Variants in FKBP5 observed in about 807,000 individuals in gnomAD.
FKBP5 encodes the protein peptidyl-prolyl cis-trans isomerase FKBP5.
A neutral mutation model predicts 50.5 loss-of-function variants in FKBP5; 23 were observed. The observed-to-expected ratio is 0.46, with a 90% confidence interval of 0.33 to 0.65. FKBP5 has a LOEUF of 0.65. Among genes scored for constraint, FKBP5 ranks in the 30% least tolerant of loss-of-function variants. The pLI is 0.02. For synonymous variants in FKBP5, 176 were observed against 190.6 expected (o/e 0.92, Z 0.63); for missense variants, 411 against 553.1 (o/e 0.74, Z 2.58).
chr6:35,592,644 T>C lies in FKBP5; in HGVS notation c.666-1424A>G, dbSNP rs572154319. Among the ~76,000 whole-genome samples the C allele has an allele frequency of 2.6e-5, 4 of 152,344 alleles. No individual in the cohort carries two copies. The South Asian group carries it at 8.3e-4, about 32-fold the overall frequency. On this transcript the variant is annotated intron_variant, in intron 6 of 10. Coordinates refer to ENST00000357266, the MANE Select transcript of FKBP5 (RefSeq NM_004117.4). ...ACATATTTTCTGAGAGCATGTTATATTTGGAGTCCTGTGCTAAGCAGTTGC... is the reference window on the plus strand; with the variant it reads ...ACATATTTTCTGAGAGCATGTTATACTTGGAGTCCTGTGCTAAGCAGTTGC...
chr6:35,615,319 C>A (rs1291408839), intron 5 of FKBP5, among the ~76,000 whole-genome samples: 1 of 152,046 alleles, frequency 6.6e-6, no homozygotes, highest in Non-Finnish European at 1.5e-5. Context: ...GCACTCAGAT[C>A]TTGGTTTCTA....
At chr6:35,627,928 ATT>A (rs35468991) in intron 3 of FKBP5, among the ~76,000 whole-genome samples, 5 of 108,466 alleles carry the variant, frequency 4.6e-5, no homozygotes, top group Admixed American at 1.0e-4. Context: ...TGCCCAGCTA[ATT>A]TTTTTTTTTT....
intron 8 of FKBP5, chr6:35,584,123 G>C: frequency 1.0e-6 from 1 of 985,408 alleles, no homozygotes; most frequent in African/African-American, 1.7e-5. Flanking sequence ...AACACTGTCA[G>C]CTATGAGGGC....
At chr6:35,589,128 A>ATAT (rs1427010607) in intron 7 of FKBP5, among the ~76,000 whole-genome samples, 6,831 of 121,446 alleles carry the variant, frequency 0.056, 309 homozygotes, top group Admixed American at 0.099. Flanking sequence ...ATATATATAT[A>ATAT]TTTTTTTTTT....
chr6:35,669,790 T>C (rs992725990), intron 1 of FKBP5, among the ~76,000 whole-genome samples: 1 of 152,254 alleles, frequency 6.6e-6, no homozygotes, highest in Non-Finnish European at 1.5e-5. Flanking sequence ...TTATAACTTA[T>C]GACTCAGAAA....
chr6:35,620,167 G>A lies in FKBP5; in HGVS notation c.358C>T (p.Pro120Ser). ...EYAYGSAGSLPKIPSNATLFF... is the reference protein window; with the variant it reads ...EYAYGSAGSLSKIPSNATLFF... ...AGAGTTGCATTCGAGGGAATTTTAG[G>A]GAGACTGCCAGCCGAGCCATATGCA... The change falls in exon 4 of 11, where the codon CCT becomes TCT. Residue 120 changes from proline to serine, a missense_variant. Physicochemically the swap from Pro to Ser is moderately conservative, Grantham distance 74 (BLOSUM62 -1). Around this residue, in one of 3 missense-constraint regions of FKBP5, gnomAD observed 267 missense variants for 405.9 expected, o/e 0.66. Coordinates refer to ENST00000357266, the MANE Select transcript of FKBP5 (RefSeq NM_004117.4). 2 of 1,614,132 alleles carry A rather than the reference G, an allele frequency of 1.2e-6. No individual in the cohort carries two copies. Among genetic ancestry groups the A allele is most frequent in the Non-Finnish European group, 1.7e-6 (2 of 1,180,026 alleles).
chr6:35,579,459 A>C (rs1762352614), intron 9 of FKBP5, among the ~76,000 whole-genome samples: 1 of 152,208 alleles, frequency 6.6e-6, no homozygotes, highest in Non-Finnish European at 1.5e-5. Context: ...TCAGAACGAT[A>C]CATAACGATA....
In FKBP5 at chr6:35,582,574, A is replaced by C. The variant is rs887989945; in HGVS notation, c.841-2353T>G. ...GAGGAGAGGCCCTCCCCAGACACTGATCCTGCTAACACCTTGATCTGGGAC... is the reference window on the plus strand; with the variant it reads ...GAGGAGAGGCCCTCCCCAGACACTGCTCCTGCTAACACCTTGATCTGGGAC... On this transcript the variant is annotated intron_variant, in intron 8 of 10. Transcript: ENST00000357266. 5.0e-6 allele frequency: 4 copies of C among 803,702 alleles called. No individual in the cohort carries two copies. The East Asian group carries it at 5.0e-4, about 101-fold the overall frequency. The allele number at this position is 803,702 out of a possible 1,614,324, so 49.8% of individuals were successfully genotyped here.
At position 35,668,857 on chromosome 6, in the gene FKBP5, G is replaced by A. The variant is rs536409646; in HGVS notation, c.-20+19947C>T. ...GTTAAATTCCTATCAATCACATCCTGTTAAAATACTAAGTATAGAAACAGT... is the reference window on the plus strand; with the variant it reads ...GTTAAATTCCTATCAATCACATCCTATTAAAATACTAAGTATAGAAACAGT... On this transcript the variant is annotated intron_variant, in intron 1 of 10. Coordinates refer to ENST00000357266, the MANE Select transcript of FKBP5 (RefSeq NM_004117.4). Among the ~76,000 whole-genome samples the A allele has an allele frequency of 3.9e-5, 6 of 152,086 alleles. No homozygotes were observed. In the South Asian group the frequency reaches 1.2e-3, roughly 32 times the overall value.
intron 2 of FKBP5, among the ~76,000 whole-genome samples, chr6:35,701,585 G>T (rs986650082): frequency 3.9e-5 from 6 of 152,070 alleles, no homozygotes; most frequent in Non-Finnish European, 5.9e-5. Context: ...CTGTTGCAAG[G>T]CTGGAGTGCA....
intron 1 of FKBP5, among the ~76,000 whole-genome samples, chr6:35,653,687 G>A (rs1052506775): frequency 6.6e-6 from 1 of 152,120 alleles, no homozygotes; most frequent in African/African-American, 2.4e-5. Context: ...GAAGAAATTA[G>A]ATCCCAAAGA....
chr6:35,706,032 C>T (rs964751244), intron 2 of FKBP5, among the ~76,000 whole-genome samples: 4 of 152,098 alleles, frequency 2.6e-5, no homozygotes, highest in Non-Finnish European at 5.9e-5. Flanking sequence ...ATCACTTGAA[C>T]TGGGAGGCGG....
chr6:35,647,669 GA>G (rs1279390019), intron 1 of FKBP5, among the ~76,000 whole-genome samples: 4 of 152,236 alleles, frequency 2.6e-5, no homozygotes, highest in African/African-American at 9.6e-5. Context: ...GCATCTGGGG[GA>G]AAAAGCAGAA....
rs1036250877 is a variant in FKBP5, at chr6:35,575,255, G to A, written c.*580C>T. 2.6e-5 allele frequency: 4 copies of A among 152,676 alleles called. No individual in the cohort carries two copies. Among genetic ancestry groups the A allele is most frequent in the African/African-American group, 9.7e-5 (4 of 41,440 alleles). 9.5% of individuals were successfully genotyped at this position (152,676 alleles called of 1,614,324 possible). On this transcript the variant is annotated 3_prime_UTR_variant, in exon 11 of 11. Coordinates refer to ENST00000357266, the MANE Select transcript of FKBP5 (RefSeq NM_004117.4). ...CTAAGTCAGCAAGCAAGTGGCCTCTGAGGTTCTGGCTTTCACGTCTGTGAC... is the reference window on the plus strand; with the variant it reads ...CTAAGTCAGCAAGCAAGTGGCCTCTAAGGTTCTGGCTTTCACGTCTGTGAC...
intron 2 of FKBP5, among the ~76,000 whole-genome samples, chr6:35,715,375 G>T (rs568110865): frequency 6.6e-6 from 1 of 152,282 alleles, no homozygotes; most frequent in South Asian, 2.1e-4. Flanking sequence ...GATAATGATA[G>T]TACCTATCAA....
chr6:35,671,954 C>T (rs557649649), intron 1 of FKBP5, among the ~76,000 whole-genome samples: 1 of 152,074 alleles, frequency 6.6e-6, no homozygotes, highest in South Asian at 2.1e-4. Context: ...CTGCAAGCTC[C>T]GCCTCCCGGG....
intron 6 of FKBP5, among the ~76,000 whole-genome samples, chr6:35,593,059 G>A (rs531762031): frequency 6.6e-6 from 1 of 152,306 alleles, no homozygotes; most frequent in South Asian, 2.1e-4. Context: ...GTCAAGATAC[G>A]TGTGGCGCAC....
intron 6 of FKBP5, among the ~76,000 whole-genome samples, chr6:35,596,038 T>C (rs555455300): frequency 1.3e-5 from 2 of 152,070 alleles, no homozygotes; most frequent in African/African-American, 2.4e-5. Context: ...CAAGTGGTAG[T>C]TGCATGGCTA....
chr6:35,677,583 C>T (rs1422001522), intron 1 of FKBP5, among the ~76,000 whole-genome samples: 1 of 152,142 alleles, frequency 6.6e-6, no homozygotes, highest in Non-Finnish European at 1.5e-5. Context: ...GAGAATTCAT[C>T]CTGGGCCACA....
Sources: gnomAD v4.1 joint callset for allele counts (sites outside exome capture counted in the v4.1 genomes callset) on GRCh38, gnomAD v4.1.1 for gene constraint, gnomAD v4.1.1 regional missense constraint, MANE v1.5 for transcripts, NCBI Gene and HGNC (gene_info 2026-07-23, HGNC 2026-07-21) for gene names.